The following MAPK10 variants were observed in gnomAD, a reference collection of about 807,000 sequenced individuals.
MAPK10 encodes the protein JNK3 alpha protein kinase.
A neutral mutation model predicts 59.3 loss-of-function variants in MAPK10; 25 were observed. The observed-to-expected ratio is 0.42, with a 90% CI of 0.31 to 0.59. MAPK10 has a LOEUF of 0.59. Ranked by LOEUF, MAPK10 falls within the 20% of genes least tolerant of loss-of-function variation. MAPK10 has a pLI of 0.15. For synonymous variants in MAPK10, 190 were observed against 200.5 expected (o/e 0.95, Z 0.44); for missense variants, 351 against 568.9 (o/e 0.62, Z 3.90).
chr4:86,334,936 C>T (rs1720194464), intron 2 of MAPK10: 1 of 149,556 alleles, frequency 6.7e-6, no homozygotes, highest in African/African-American at 2.5e-5. Context: ...GAACTCAATG[C>T]CTAGAATAAT....
intron 2 of MAPK10, among the ~76,000 whole-genome samples, chr4:86,341,879 TTACCTTCAC>T (rs1725169888): frequency 6.6e-6 from 1 of 151,492 alleles, no homozygotes; most frequent in Non-Finnish European, 1.5e-5. Context: ...TTTACCTTCA[TTACCTTCAC>T]AATAACCTTA....
Position 86,300,456 on chromosome 4 carries a change from T to C in MAPK10, c.-7+54074A>G, listed in dbSNP as rs2095447470. 3 of 148,092 alleles carry C rather than the reference T, an allele frequency of 2.0e-5. No homozygotes were observed. The Admixed American group carries it at 2.0e-4, about 10-fold the overall frequency. The allele number at this position is 148,092 out of a possible 1,614,324, so 9.2% of individuals were successfully genotyped here. A position where few individuals can be genotyped will look rare whatever the true frequency, so the allele number is the denominator to read the frequency against. On this transcript the variant is annotated intron_variant, in intron 2 of 13. Transcript: ENST00000641462. ...TAAAATACCTACAATATCATTTAGA[T>C]CAATTTGGAGTTTTCAAAGAAAAAA...
At chr4:86,080,694 TTGTCAATTTA>T (rs2050460632) in intron 9 of MAPK10, 1 of 151,990 alleles carries the variant, frequency 6.6e-6, no homozygotes, top group South Asian at 2.1e-4. Context: ...AATCATAATA[TTGTCAATTTA>T]TGAGCCTAAA....
chr4:86,438,532 A>C (rs963368363), intron 1 of MAPK10, among the ~76,000 whole-genome samples: 3 of 152,066 alleles, frequency 2.0e-5, no homozygotes, highest in Admixed American at 6.6e-5. Context: ...TGTACTAAAA[A>C]TACAAAAATT....
chr4:86,187,783 T>G (rs934504827), intron 3 of MAPK10, among the ~76,000 whole-genome samples: 1 of 152,136 alleles, frequency 6.6e-6, no homozygotes, highest in Non-Finnish European at 1.5e-5. Flanking sequence ...TTTTAAAAAC[T>G]TATACTTTAA....
chr4:86,242,988 A>T (rs1285363405), intron 2 of MAPK10, among the ~76,000 whole-genome samples: 1 of 152,202 alleles, frequency 6.6e-6, no homozygotes, highest in East Asian at 1.9e-4. Flanking sequence ...TGGGTTGCAC[A>T]GTTCCGTGGG....
upstream of MAPK10, among the ~76,000 whole-genome samples, chr4:86,362,864 C>T (rs1737233175): frequency 1.3e-5 from 2 of 152,100 alleles, 1 homozygote; most frequent in South Asian, 4.1e-4. Context: ...AATGTTAAAA[C>T]TACCTTGGGA....
intron 2 of MAPK10, among the ~76,000 whole-genome samples, chr4:86,204,896 T>C (rs934904194): frequency 6.6e-6 from 1 of 152,042 alleles, no homozygotes; most frequent in African/African-American, 2.4e-5. Context: ...GATATTTTTC[T>C]TAAAATTATA....
chr4:86,532,604 C>A (rs1240848172), intron 1 of MAPK10, among the ~76,000 whole-genome samples: 1 of 152,210 alleles, frequency 6.6e-6, no homozygotes, highest in Non-Finnish European at 1.5e-5. Flanking sequence ...TTATATACCA[C>A]CTTTTCCTTA....
At chr4:86,581,933 A>G (rs1176471256) in intron 1 of MAPK10, among the ~76,000 whole-genome samples, 1 of 72,684 alleles carries the variant, frequency 1.4e-5, no homozygotes, top group East Asian at 3.8e-4. Flanking sequence ...ATATATATAT[A>G]TATATATATA....
chr4:86,493,080 G>A (rs1324342405), intron 1 of MAPK10, among the ~76,000 whole-genome samples: 1 of 152,180 alleles, frequency 6.6e-6, no homozygotes. Context: ...ACTGCTGAAT[G>A]TTCAAACTGC....
intron 2 of MAPK10, among the ~76,000 whole-genome samples, chr4:86,353,763 C>T (rs1039159612): frequency 6.6e-6 from 1 of 152,088 alleles, no homozygotes; most frequent in Non-Finnish European, 1.5e-5. Flanking sequence ...ATCACTAGCT[C>T]AAAATAGCTT....
At chr4:86,145,840 ATAGAG>A (rs1235344530) in intron 4 of MAPK10, among the ~76,000 whole-genome samples, 8 of 151,982 alleles carry the variant, frequency 5.3e-5, no homozygotes, top group Admixed American at 6.5e-5. Context: ...TTCCTCTCTA[ATAGAG>A]TAAACACACT....
At chr4:86,297,000 C>T (rs574841023) in intron 2 of MAPK10, among the ~76,000 whole-genome samples, 14 of 152,238 alleles carry the variant, frequency 9.2e-5, no homozygotes, top group South Asian at 4.2e-4. Flanking sequence ...AAGGGTTAGA[C>T]GGGGACTGCC....
At position 86,308,677 on chromosome 4, in the gene MAPK10, C is replaced by T. The variant is rs188123803; in HGVS notation, c.-7+45853G>A. 3 of 152,228 alleles carry T rather than the reference C, an allele frequency of 2.0e-5. No individual in the cohort carries two copies. The East Asian group carries it at 5.8e-4, about 29-fold the overall frequency. The allele number at this position is 152,228 out of a possible 1,614,324, so 9.4% of individuals were successfully genotyped here. On this transcript the variant is annotated intron_variant, in intron 2 of 13. Transcript: ENST00000641462. ...AACTACTTACTGATGAATCGTCGGG[C>T]TTTTAGCTTAGTTTAGAATAGACTG...
At position 86,239,448 on chromosome 4, in the gene MAPK10, T is replaced by C. The variant is rs887855522; in HGVS notation, c.-6-45041A>G. Among the ~76,000 whole-genome samples the C allele has an allele frequency of 2.6e-5, 4 of 152,308 alleles. 1 individual carries two copies. The highest frequency in any genetic ancestry group is 6.5e-5 in the Admixed American group (1 of 15,294). ...TACCAGCTCCTCTTTGTATTTCTGA[T>C]AGAATTTAGCTGTGAATCCGTCTGG... On this transcript the variant is annotated intron_variant, in intron 2 of 13. Transcript: ENST00000641462.
At chr4:86,058,816 C>G (rs982789312) in intron 11 of MAPK10, among the ~76,000 whole-genome samples, 1 of 152,112 alleles carries the variant, frequency 6.6e-6, no homozygotes, top group Non-Finnish European at 1.5e-5. Flanking sequence ...TCTGCATCAG[C>G]TGTCTCTCTG....
intron 1 of MAPK10, among the ~76,000 whole-genome samples, chr4:86,410,171 G>A (rs1579108412): frequency 2.6e-5 from 4 of 152,178 alleles, no homozygotes; most frequent in African/African-American, 9.7e-5. Context: ...TGTGGTTTTT[G>A]TCATTGGTTC....
At chr4:86,590,646 C>T (rs906043921) in intron 1 of MAPK10, among the ~76,000 whole-genome samples, 1 of 151,930 alleles carries the variant, frequency 6.6e-6, no homozygotes, top group Non-Finnish European at 1.5e-5. Context: ...ATTAGCTGGG[C>T]ATGGTGGTGT....
Sources: allele counts gnomAD v4.1 joint callset (sites outside exome capture counted in the v4.1 genomes callset), GRCh38; gene constraint gnomAD v4.1.1; transcripts MANE v1.5; gene names NCBI Gene and HGNC (gene_info 2026-07-23, HGNC 2026-07-21).